PPARGC1B: variants seen among roughly 807,000 people sequenced by gnomAD.
The protein encoded by PPARGC1B is PPARG coactivator 1 beta.
PPARGC1B carries 34 observed loss-of-function variants against 101.6 expected under a neutral mutation model. The observed-to-expected ratio is 0.33, with a 90% CI of 0.25 to 0.45. The LOEUF is 0.45. Ranked by LOEUF, PPARGC1B falls within the 20% of genes least tolerant of loss-of-function variation. The pLI, the probability that PPARGC1B is intolerant of heterozygous loss-of-function variation, is 1.00. For synonymous variants in PPARGC1B, 548 were observed against 539.3 expected, an observed-to-expected ratio of 1.02 and a Z score of -0.22; for missense variants, 1,234 against 1,317.6, an observed-to-expected ratio of 0.94 and a Z score of 0.98.
At chr5:149,789,384 A>G (rs1361188392) in intron 1 of PPARGC1B, among the ~76,000 whole-genome samples, 4 of 152,208 alleles carry the variant, frequency 2.6e-5, no homozygotes, top group Admixed American at 6.5e-5. Context: ...TGCGGAAGTC[A>G]TTTTCCTTGC....
At chr5:149,757,916 A>G (rs974301896) in intron 1 of PPARGC1B, among the ~76,000 whole-genome samples, 1 of 152,230 alleles carries the variant, frequency 6.6e-6, no homozygotes. Flanking sequence ...CCTGGGAGGC[A>G]TTTCTTGTAG....
Position 149,809,059 on chromosome 5 carries a change from T to A in PPARGC1B, c.79-11374T>A, listed in dbSNP as rs375447340. On this transcript the variant is annotated intron_variant, in intron 1 of 11. Coordinates refer to ENST00000309241, the MANE Select transcript of PPARGC1B (RefSeq NM_133263.4). ...GGGAGACCAAGGCAGGAGGACTGCT[T>A]GAGCCCAGGAGTTTGAGACCGGCCT... Among the ~76,000 whole-genome samples, 23 of 152,038 alleles carry A rather than the reference T, an allele frequency of 1.5e-4. No individual in the cohort carries two copies. The East Asian group carries it at 2.3e-3, about 15-fold the overall frequency.
intron 1 of PPARGC1B, among the ~76,000 whole-genome samples, chr5:149,737,850 C>T (rs559044973): frequency 1.3e-5 from 2 of 152,220 alleles, no homozygotes; most frequent in East Asian, 1.9e-4. Flanking sequence ...AAAAATTAGC[C>T]GGGCATGGTG....
chr5:149,840,940 G>A (rs1759310261), intron 9 of PPARGC1B, among the ~76,000 whole-genome samples: 1 of 152,160 alleles, frequency 6.6e-6, no homozygotes, highest in African/African-American at 2.4e-5. Flanking sequence ...ACCGTGGACT[G>A]TGCATGGAGC....
At chr5:149,753,894 A>G (rs765469747) in intron 1 of PPARGC1B, among the ~76,000 whole-genome samples, 1 of 152,036 alleles carries the variant, frequency 6.6e-6, no homozygotes, top group African/African-American at 2.4e-5. Context: ...GGATTTTGCC[A>G]TGTTGGCCAG....
intron 1 of PPARGC1B, among the ~76,000 whole-genome samples, chr5:149,742,436 A>T (rs780767367): frequency 5.9e-5 from 9 of 151,956 alleles, no homozygotes; most frequent in Non-Finnish European, 7.4e-5. Context: ...ATACTCTGCC[A>T]CTCTGGTGAG....
chr5:149,834,159 G>A (rs1288948580), intron 5 of PPARGC1B, among the ~76,000 whole-genome samples: 1 of 152,252 alleles, frequency 6.6e-6, no homozygotes, highest in Non-Finnish European at 1.5e-5. Context: ...TGCAGCTAGA[G>A]TTTTAAATGC....
At chr5:149,775,440 G>A (rs758338301) in intron 1 of PPARGC1B, among the ~76,000 whole-genome samples, 5 of 152,042 alleles carry the variant, frequency 3.3e-5, no homozygotes, top group African/African-American at 7.3e-5. Context: ...GTAGGGTGAC[G>A]CATGTGGCCA....
chr5:149,826,717 C>T lies in PPARGC1B; in HGVS notation c.297C>T (p.Thr99=). 3 of 1,614,170 alleles carry T rather than the reference C, an allele frequency of 1.9e-6. No individual in the cohort carries two copies. Among genetic ancestry groups the T allele is most frequent in the Non-Finnish European group, 2.5e-6 (3 of 1,180,018 alleles). Reference sequence around the variant, plus strand: ...CCCTCCTGGCAGAGCTCACCAAGACCCTGGATGACATCCCTGAAGATGACG... The same window carrying T: ...CCCTCCTGGCAGAGCTCACCAAGACTCTGGATGACATCCCTGAAGATGACG... ...NEALLAELTK[T]LDDIPEDDVG... Residue 99 remains threonine (T), a synonymous_variant, in exon 3 of 12, where the codon ACC becomes ACT. Coordinates refer to ENST00000309241, the MANE Select transcript of PPARGC1B (RefSeq NM_133263.4).
At chr5:149,761,605 A>G (rs1755721269) in intron 1 of PPARGC1B, 1 of 152,256 alleles carries the variant, frequency 6.6e-6, no homozygotes, top group South Asian at 2.1e-4. Flanking sequence ...ATGGATAAAG[A>G]AAATGTGGTA....
intron 1 of PPARGC1B, among the ~76,000 whole-genome samples, chr5:149,775,210 AG>A (rs1756309314): frequency 6.6e-6 from 1 of 152,326 alleles, no homozygotes; most frequent in South Asian, 2.1e-4. Context: ...CAGTGGGGGC[AG>A]AGGCAGCTGA....
chr5:149,776,431 C>G (rs541473297), intron 1 of PPARGC1B, among the ~76,000 whole-genome samples: 1 of 152,248 alleles, frequency 6.6e-6, no homozygotes, highest in South Asian at 2.1e-4. Flanking sequence ...TTAGGCTGGA[C>G]AGTTTTGCAT....
At chr5:149,818,833 T>C (rs762417570) in intron 1 of PPARGC1B, 3 of 456,718 alleles carry the variant, frequency 6.6e-6, no homozygotes, top group South Asian at 4.6e-5. Context: ...ACATTGCCTC[T>C]TTTAATCTTA....
chr5:149,741,830 A>G (rs1056413094), intron 1 of PPARGC1B, among the ~76,000 whole-genome samples: 1 of 152,080 alleles, frequency 6.6e-6, no homozygotes, highest in African/African-American at 2.4e-5. Flanking sequence ...GGGTTTCACC[A>G]TGTTGGCTAG....
chr5:149,834,749 A>G, intron 6 of PPARGC1B, 39 bp downstream of exon 6: 2 of 1,590,042 alleles, frequency 1.3e-6, no homozygotes, highest in Non-Finnish European at 8.6e-7. Context: ...GTTCCATGAG[A>G]TTTTGTCTTG....
At chr5:149,797,851 G>GC (rs1404488008) in intron 1 of PPARGC1B, among the ~76,000 whole-genome samples, 1 of 152,148 alleles carries the variant, frequency 6.6e-6, no homozygotes, top group Non-Finnish European at 1.5e-5. Flanking sequence ...AATCTGGGAG[G>GC]CAGAGGTTGC....
chr5:149,793,965 T>C (rs1561546246), intron 1 of PPARGC1B, among the ~76,000 whole-genome samples: 2 of 152,232 alleles, frequency 1.3e-5, no homozygotes, highest in Non-Finnish European at 2.9e-5. Flanking sequence ...TCCAATCAGC[T>C]GCCGGTTTTT....
chr5:149,794,258 G>A (rs1757125482), intron 1 of PPARGC1B, among the ~76,000 whole-genome samples: 1 of 152,196 alleles, frequency 6.6e-6, no homozygotes, highest in African/African-American at 2.4e-5. Context: ...CACCCCATGT[G>A]TTGGTGCTTT....
intron 1 of PPARGC1B, among the ~76,000 whole-genome samples, chr5:149,762,941 T>C (rs1009072767): frequency 1.3e-5 from 2 of 152,170 alleles, no homozygotes; most frequent in Non-Finnish European, 2.9e-5. Flanking sequence ...TGTGCACCAT[T>C]ACACCCAGCA....
Sources: allele counts gnomAD v4.1 joint callset (sites outside exome capture counted in the v4.1 genomes callset), GRCh38; gene constraint gnomAD v4.1.1; transcripts MANE v1.5; gene names NCBI Gene and HGNC (gene_info 2026-07-23, HGNC 2026-07-21).